TBC1D25: variants seen among roughly 807,000 people sequenced by gnomAD.
The protein encoded by TBC1D25 is 5SN3 snoRNA.
Under a neutral mutation model 38.8 loss-of-function variants are expected in TBC1D25, and 13 were observed. That is an observed-to-expected ratio of 0.34 (90% CI 0.22 to 0.53). TBC1D25 has a LOEUF of 0.53. Ranked by LOEUF, TBC1D25 falls within the 20% of genes least tolerant of loss-of-function variation. The probability of loss-of-function intolerance (pLI) is 0.94; values close to 1 mark genes in which losing one functional copy is unlikely to be tolerated. For missense variants in TBC1D25, 372 were observed against 600.0 expected, an observed-to-expected ratio of 0.62 and a Z score of 3.97; for synonymous variants, 225 against 255.6, an observed-to-expected ratio of 0.88 and a Z score of 1.14.
At position 48,559,301 on chromosome X, in the gene TBC1D25, G is replaced by A. The variant is rs1556985288; in HGVS notation, c.660G>A (p.Leu220=). Reference sequence around the variant, plus strand: ...GCCAGCTCTCCCGACCCGAGGAGTTGCGCCTGCGGATCTATCATGGCGGTG... The same window carrying A: ...GCCAGCTCTCCCGACCCGAGGAGTTACGCCTGCGGATCTATCATGGCGGTG... The part of the protein sequence containing the change: ...HEGQLSRPEE[L]RLRIYHGGVE... The change falls in exon 5 of 6, where the codon TTG becomes TTA. Residue 220 remains leucine, a synonymous_variant. Coordinates refer to ENST00000376771, the MANE Select transcript of TBC1D25 (RefSeq NM_002536.4). 1 of 1,210,958 alleles carries A rather than the reference G, an allele frequency of 8.3e-7. No homozygotes were observed. The highest frequency in any genetic ancestry group is 2.2e-5 in the Admixed American group (1 of 45,926).
intron 3 of TBC1D25, among the ~76,000 whole-genome samples, chrX:48,554,222 G>A (rs1433891106): frequency 9.4e-6 from 1 of 106,481 alleles, no homozygotes; most frequent in African/African-American, 3.4e-5. Context: ...GAGCCATTGC[G>A]CCCAGTCTAA....
chrX:48,541,423 C>G lies in TBC1D25; in HGVS notation c.214C>G (p.Arg72Gly). 1 of 1,210,155 alleles carries G rather than the reference C, an allele frequency of 8.3e-7. No homozygotes were observed. Among genetic ancestry groups the G allele is most frequent in the Non-Finnish European group, 1.1e-6 (1 of 895,250 alleles). Residue 72 changes from arginine (R) to glycine (G), a missense_variant, in exon 2 of 6, where the codon CGA (arginine) becomes GGA (glycine). Transcript: ENST00000376771. ...SLDVLQHILI[R>G]AFDLSGKKNF... The stretch of plus-strand genomic sequence containing the variant: ...CGACGTGTTGCAGCACATCCTCATC[C>G]GAGCCTTTGATTTGAGTGGGTGAGT...
rs1350574806 is a variant in TBC1D25 at position 48,560,533 on chromosome X, C to T, written c.1625C>T (p.Pro542Leu). The T allele has an allele frequency of 6.0e-5, 73 of 1,208,399 alleles. No homozygotes were observed. The highest frequency in any genetic ancestry group is 8.1e-5 in the Non-Finnish European group (72 of 894,359). ...ALISSKSLSE[P>L]LLNSPDPLLS... ...ATCAGCTCCAAGTCCCTCTCTGAGC[C>T]TTTATTGAACTCCCCAGACCCACTG... Residue 542 changes from proline to leucine, a missense_variant, in exon 6 of 6, where the codon CCT (proline) becomes CTT (leucine). By Grantham distance (98) the Pro-to-Leu change is moderately conservative. Coordinates refer to ENST00000376771, the MANE Select transcript of TBC1D25 (RefSeq NM_002536.4).
chrX:48,545,096 G>A (rs2061872591), intron 3 of TBC1D25, 73 bp downstream of exon 3: 7 of 1,135,824 alleles, frequency 6.2e-6, no homozygotes, highest in Non-Finnish European at 8.3e-6. Context: ...ACCCCTCACA[G>A]TACACTCCCT....
chrX:48,551,909 C>G (rs782267152), intron 3 of TBC1D25, among the ~76,000 whole-genome samples: 1 of 110,292 alleles, frequency 9.1e-6, no homozygotes, highest in South Asian at 3.8e-4. Context: ...CGTGAGCCAC[C>G]GCGCCTGGCC....
Position 48,560,660 on chromosome X carries a change from G to C in TBC1D25, c.1752G>C (p.Met584Ile). The C allele has an allele frequency of 8.3e-7, 1 of 1,211,522 alleles. No individual in the cohort carries two copies. The highest frequency in any genetic ancestry group is 2.3e-4 in the Middle Eastern group (1 of 4,354). Residue 584 changes from methionine (M) to isoleucine (I), a missense_variant, in exon 6 of 6, where the codon ATG (methionine) becomes ATC (isoleucine). Met to Ile is a conservative substitution (Grantham distance 10, BLOSUM62 1). Coordinates refer to ENST00000376771, the MANE Select transcript of TBC1D25 (RefSeq NM_002536.4). ...TGDMAVGSPL[M>I]QEVGSPKDPG... ...ATATGGCTGTAGGATCCCCCTTGAT[G>C]CAAGAGGTAGGCTCCCCGAAAGACC...
chrX:48,557,063 C>CAA (rs34441472), intron 3 of TBC1D25, among the ~76,000 whole-genome samples: 23 of 93,504 alleles, frequency 2.5e-4, no homozygotes, highest in Non-Finnish European at 4.5e-4. Flanking sequence ...CCATCTCTAC[C>CAA]AAAAAAAAAA....
rs781832514 is a variant in TBC1D25, at chrX:48,561,027, A to G, written c.*52A>G. ...CCCCACCAGATCTCCATTCTTTGCC[A>G]TGAGGGCCAACACATGAGACCCCAC... On this transcript the variant is annotated 3_prime_UTR_variant, in exon 6 of 6. Coordinates refer to ENST00000376771, the MANE Select transcript of TBC1D25 (RefSeq NM_002536.4). 2.5e-5 allele frequency: 28 copies of G among 1,126,642 alleles called. No homozygotes were observed. In the East Asian group the frequency reaches 8.3e-4, roughly 33 times the overall value. 92.8% of individuals were successfully genotyped at this position (1,126,642 alleles called of 1,213,427 possible).
rs782014482 is a variant in TBC1D25, at chrX:48,560,492, C to T, written c.1584C>T (p.Pro528=). 2.9e-4 allele frequency: 346 copies of T among 1,208,319 alleles called. No individual in the cohort carries two copies. Among genetic ancestry groups the T allele is most frequent in the Non-Finnish European group, 3.8e-4 (340 of 894,326 alleles). The change falls in exon 6 of 6, where the codon CCC becomes CCT. Residue 528 remains proline, a synonymous_variant. Coordinates refer to ENST00000376771, the MANE Select transcript of TBC1D25 (RefSeq NM_002536.4). ...GSRRDPLVQL[P]HPAALISSKS... Reference sequence around the variant, plus strand: ...GGAGGGACCCTCTGGTCCAGCTGCCCCACCCAGCTGCCCTTATCAGCTCCA... The same window carrying T: ...GGAGGGACCCTCTGGTCCAGCTGCCTCACCCAGCTGCCCTTATCAGCTCCA...
At chrX:48,543,879 G>A (rs1272656980) in intron 2 of TBC1D25, among the ~76,000 whole-genome samples, 7 of 70,686 alleles carry the variant, frequency 9.9e-5, no homozygotes, top group African/African-American at 3.0e-4. Context: ...GTGAGACTCC[G>A]TCTCAAAAAA....
At chrX:48,552,839 G>A (rs2061945772) in intron 3 of TBC1D25, among the ~76,000 whole-genome samples, 1 of 108,298 alleles carries the variant, frequency 9.2e-6, no homozygotes, top group Admixed American at 1.0e-4. Context: ...GCCCAGGCTG[G>A]AGTGCTATGG....
chrX:48,545,901 C>T (rs2061879369), intron 3 of TBC1D25, among the ~76,000 whole-genome samples: 1 of 111,554 alleles, frequency 9.0e-6, no homozygotes, highest in Non-Finnish European at 1.9e-5. Flanking sequence ...AACCCACACC[C>T]TCAACCTCTT....
In TBC1D25 at chrX:48,541,402, G is replaced by A. The variant is rs782742824; in HGVS notation, c.193G>A (p.Val65Met). Residue 65 changes from valine (V) to methionine (M), a missense_variant, in exon 2 of 6, where the codon GTG becomes ATG. By Grantham distance (21) the Val-to-Met change is conservative. Around this residue, in one of 2 missense-constraint regions of TBC1D25, gnomAD observed 312 missense variants for 549.3 expected, o/e 0.57. Coordinates refer to ENST00000376771, the MANE Select transcript of TBC1D25 (RefSeq NM_002536.4). Reference sequence around the variant, plus strand: ...AGATCCCCAGATCACCTCGCTCGACGTGTTGCAGCACATCCTCATCCGAGC... The same window carrying A: ...AGATCCCCAGATCACCTCGCTCGACATGTTGCAGCACATCCTCATCCGAGC... ...AVDPQITSLD[V>M]LQHILIRAFD... 3 of 1,212,136 alleles carry A rather than the reference G, an allele frequency of 2.5e-6. No individual in the cohort carries two copies. The highest frequency in any genetic ancestry group is 2.2e-6 in the Non-Finnish European group (2 of 895,642).
rs781954331 is a variant in TBC1D25, at chrX:48,559,761, C to T, written c.853C>T (p.Arg285Cys). Residue 285 changes from arginine (R) to cysteine (C), a missense_variant, in exon 6 of 6, where the codon CGC (arginine) becomes TGC (cysteine). Coordinates refer to ENST00000376771, the MANE Select transcript of TBC1D25 (RefSeq NM_002536.4). ...RANPEDLEFI[R>C]STVLKDVLRT... ...GAACCCTGAGGACCTGGAATTCATCCGCAGCACGGTCCTCAAGGATGTACT... is the reference window on the plus strand; with the variant it reads ...GAACCCTGAGGACCTGGAATTCATCTGCAGCACGGTCCTCAAGGATGTACT... The T allele has an allele frequency of 8.3e-6, 10 of 1,210,237 alleles. No individual in the cohort carries two copies. Among genetic ancestry groups the T allele is most frequent in the African/African-American group, 1.7e-5 (1 of 57,258 alleles).
Position 48,539,868 on chromosome X carries a change from C to A in TBC1D25, c.71C>A (p.Ala24Glu). Reference sequence around the variant, plus strand: ...CCCCCGCCCGGTGTGGGAGCTCAGGCGGCGGCGGCCGCTGAGGAGGAGGAG... The same window carrying A: ...CCCCCGCCCGGTGTGGGAGCTCAGGAGGCGGCGGCCGCTGAGGAGGAGGAG... ...GAPPPGVGAQ[A>E]AAAAEEEERE... Residue 24 changes from alanine to glutamate, a missense_variant, in exon 1 of 6, where the codon GCG becomes GAG. Coordinates refer to ENST00000376771, the MANE Select transcript of TBC1D25 (RefSeq NM_002536.4). 2.1e-6 allele frequency: 2 copies of A among 967,314 alleles called. No individual in the cohort carries two copies. Among genetic ancestry groups the A allele is most frequent in the Non-Finnish European group, 2.6e-6 (2 of 768,668 alleles). 79.7% of individuals were successfully genotyped at this position (967,314 alleles called of 1,213,427 possible).
chrX:48,549,255 C>T (rs1311128887), intron 3 of TBC1D25, among the ~76,000 whole-genome samples: 1 of 112,026 alleles, frequency 8.9e-6, no homozygotes, highest in Non-Finnish European at 1.9e-5. Context: ...AGGCTGGTCT[C>T]GAACTTCTGA....
chrX:48,544,319 C>CT (rs35103047), intron 2 of TBC1D25, among the ~76,000 whole-genome samples: 26,114 of 94,887 alleles, frequency 0.28, 3,399 homozygotes, highest in East Asian at 0.42. Flanking sequence ...AGGGGACCAA[C>CT]TTTTTTTTTT....
At chrX:48,545,049 A>T (rs1469127050) in intron 3 of TBC1D25, 26 bp downstream of exon 3, 4 of 1,206,615 alleles carry the variant, frequency 3.3e-6, no homozygotes, top group Non-Finnish European at 4.5e-6. Context: ...CCCCAGGAGC[A>T]CTGCTCTGGA....
intron 3 of TBC1D25, among the ~76,000 whole-genome samples, chrX:48,551,183 A>G (rs1035111419): frequency 9.8e-5 from 11 of 111,801 alleles, no homozygotes; most frequent in Admixed American, 9.6e-4. Context: ...GCAGCCCACA[A>G]TGAAACACTT....
Sources: allele counts gnomAD v4.1 joint callset (sites outside exome capture counted in the v4.1 genomes callset), GRCh38; gene constraint gnomAD v4.1.1; regional missense constraint gnomAD v4.1.1; transcripts MANE v1.5; gene names NCBI Gene and HGNC (gene_info 2026-07-23, HGNC 2026-07-21).